SPOCK1: variants seen among roughly 807,000 people sequenced by gnomAD.
The protein encoded by SPOCK1 is testican-1.
Under a neutral mutation model 55.3 loss-of-function variants are expected in SPOCK1, and 23 were observed. That is an observed-to-expected ratio of 0.42 (90% CI 0.30 to 0.59). The LOEUF is 0.59. Ranked by LOEUF, SPOCK1 falls within the 20% of genes least tolerant of loss-of-function variation. The pLI is 0.22. For synonymous variants in SPOCK1, 226 were observed against 221.0 expected (o/e 1.02, Z -0.20); for missense variants, 499 against 552.5 (o/e 0.90, Z 0.97).
intron 3 of SPOCK1, among the ~76,000 whole-genome samples, chr5:137,260,662 A>G (rs1756727609): frequency 6.6e-6 from 1 of 152,256 alleles, no homozygotes; most frequent in Non-Finnish European, 1.5e-5. Context: ...ACAAAGACAA[A>G]AGAGAAAACA....
chr5:137,138,293 G>C (rs1271638054), intron 4 of SPOCK1, among the ~76,000 whole-genome samples: 2 of 152,126 alleles, frequency 1.3e-5, no homozygotes, highest in Non-Finnish European at 2.9e-5. Context: ...ACAAGCAAAA[G>C]TGTTGGTGCT....
At chr5:137,374,104 T>C (rs1195840198) in intron 2 of SPOCK1, among the ~76,000 whole-genome samples, 1 of 152,268 alleles carries the variant, frequency 6.6e-6, no homozygotes, top group Non-Finnish European at 1.5e-5. Flanking sequence ...GGAGATTGCA[T>C]GCACTAAATA....
chr5:136,996,069 T>C (rs1028813424), intron 6 of SPOCK1, among the ~76,000 whole-genome samples: 2 of 152,174 alleles, frequency 1.3e-5, no homozygotes, highest in Non-Finnish European at 2.9e-5. Flanking sequence ...AATTTGGTAT[T>C]CTAGCCACAA....
chr5:137,314,658 T>C (rs918931341), intron 2 of SPOCK1, among the ~76,000 whole-genome samples: 3 of 152,216 alleles, frequency 2.0e-5, no homozygotes, highest in Non-Finnish European at 4.4e-5. Flanking sequence ...GTCTATTGTT[T>C]ATCCACAGCT....
intron 2 of SPOCK1, among the ~76,000 whole-genome samples, chr5:137,301,730 T>C (rs1395996276): frequency 1.4e-5 from 2 of 146,290 alleles, no homozygotes; most frequent in Non-Finnish European, 3.0e-5. Context: ...ACTCAACTAA[T>C]ATTGGCAAGG....
chr5:137,351,376 A>C (rs999522156), intron 2 of SPOCK1, among the ~76,000 whole-genome samples: 1 of 152,258 alleles, frequency 6.6e-6, no homozygotes, highest in Non-Finnish European at 1.5e-5. Flanking sequence ...TGTATCATCT[A>C]CAGCTGATTA....
At chr5:137,474,402 A>G (rs1422876374) in intron 2 of SPOCK1, among the ~76,000 whole-genome samples, 2 of 152,094 alleles carry the variant, frequency 1.3e-5, no homozygotes, top group Non-Finnish European at 2.9e-5. Flanking sequence ...TATTTTATGG[A>G]GTCTAATGGT....
intron 3 of SPOCK1, among the ~76,000 whole-genome samples, chr5:137,199,835 C>T (rs924182466): frequency 5.3e-5 from 8 of 152,174 alleles, no homozygotes; most frequent in Admixed American, 3.3e-4. Flanking sequence ...ATTCAGACCA[C>T]TAGACTCAAC....
intron 2 of SPOCK1, among the ~76,000 whole-genome samples, chr5:137,419,781 A>G (rs149418398): frequency 0.01 from 1,572 of 152,256 alleles, 22 homozygotes; most frequent in African/African-American, 0.036. Flanking sequence ...TTCCTAATTG[A>G]TTACCCTTTA....
chr5:137,342,079 T>C (rs1750443406), intron 2 of SPOCK1, among the ~76,000 whole-genome samples: 1 of 152,222 alleles, frequency 6.6e-6, no homozygotes, highest in South Asian at 2.1e-4. Context: ...TGCAAACATG[T>C]ATGTGATCAG....
intron 2 of SPOCK1, among the ~76,000 whole-genome samples, chr5:137,302,841 T>TG (rs1757627731): frequency 6.6e-6 from 1 of 152,156 alleles, no homozygotes; most frequent in African/African-American, 2.4e-5. Context: ...TCTCAGTCTT[T>TG]GGGGAGTTAT....
At chr5:137,450,106 G>A (rs1267691879) in intron 2 of SPOCK1, among the ~76,000 whole-genome samples, 1 of 152,058 alleles carries the variant, frequency 6.6e-6, no homozygotes, top group Non-Finnish European at 1.5e-5. Context: ...AAAGCCCAGG[G>A]AATCTTCAAG....
At chr5:137,159,072 C>T (rs377200170) in intron 3 of SPOCK1, among the ~76,000 whole-genome samples, 2 of 152,226 alleles carry the variant, frequency 1.3e-5, no homozygotes, top group Middle Eastern at 3.4e-3. Context: ...TCAGCTATGG[C>T]CCAGGGAGGG....
At chr5:137,255,576 G>A (rs1412406992) in intron 3 of SPOCK1, among the ~76,000 whole-genome samples, 1 of 152,114 alleles carries the variant, frequency 6.6e-6, no homozygotes, top group Non-Finnish European at 1.5e-5. Flanking sequence ...AAGACATATC[G>A]GGTTATCATG....
At chr5:137,147,105 G>T (rs1041122561) in intron 3 of SPOCK1, among the ~76,000 whole-genome samples, 3 of 152,092 alleles carry the variant, frequency 2.0e-5, no homozygotes, top group South Asian at 2.1e-4. Flanking sequence ...TGTGTGAGGT[G>T]GGGGAGAGGG....
At chr5:137,359,817 A>G (rs1207119040) in intron 2 of SPOCK1, among the ~76,000 whole-genome samples, 1 of 152,208 alleles carries the variant, frequency 6.6e-6, no homozygotes, top group Non-Finnish European at 1.5e-5. Context: ...GGATGGACAT[A>G]ATATAGCGTG....
At chr5:137,105,241 C>T (rs1037381029) in intron 5 of SPOCK1, among the ~76,000 whole-genome samples, 3 of 152,144 alleles carry the variant, frequency 2.0e-5, no homozygotes, top group African/African-American at 4.8e-5. Flanking sequence ...CATCTTCTGC[C>T]TTCAGTTTCC....
At chr5:137,126,822 G>C (rs1753790391) in intron 4 of SPOCK1, among the ~76,000 whole-genome samples, 2 of 152,124 alleles carry the variant, frequency 1.3e-5, no homozygotes, top group Admixed American at 1.3e-4. Context: ...TGGCTGAATT[G>C]TGTTCATGTC....
chr5:137,153,341 A>G (rs932942331), intron 3 of SPOCK1, among the ~76,000 whole-genome samples: 2 of 151,952 alleles, frequency 1.3e-5, no homozygotes. Context: ...AGACCAACAC[A>G]CTCATTTTTC....
Sources: gnomAD v4.1 joint callset for allele counts (sites outside exome capture counted in the v4.1 genomes callset) on GRCh38, gnomAD v4.1.1 for gene constraint, MANE v1.5 for transcripts, NCBI Gene and HGNC (gene_info 2026-07-23, HGNC 2026-07-21) for gene names.